TTC27: variants seen among roughly 807,000 people sequenced by gnomAD.
TTC27 encodes the protein tetratricopeptide repeat protein 27.
TTC27 carries 79 observed loss-of-function variants against 115.9 expected under a neutral mutation model. The ratio of observed to expected loss-of-function variants is 0.68; its 90% confidence interval spans 0.57 to 0.82. The LOEUF (loss-of-function observed/expected upper bound fraction) is 0.82, where lower values mean the gene tolerates loss of function less well. TTC27 is among the 40% of genes least tolerant of loss of function. TTC27 has a pLI of 0.00. For missense variants in TTC27, 1,054 were observed against 993.1 expected (o/e 1.06, Z -0.82); for synonymous variants, 401 against 356.0 (o/e 1.13, Z -1.42).
chr2:32,685,483 A>C (rs567452604), intron 9 of TTC27, among the ~76,000 whole-genome samples: 1 of 152,184 alleles, frequency 6.6e-6, no homozygotes, highest in Non-Finnish European at 1.5e-5. Context: ...CATTGTCAAC[A>C]ACTATAAAAT....
At chr2:32,717,426 A>T (rs1667791382) in intron 10 of TTC27, among the ~76,000 whole-genome samples, 1 of 152,210 alleles carries the variant, frequency 6.6e-6, no homozygotes. Flanking sequence ...TTGCCACTTG[A>T]AGGAAGCTGT....
chr2:32,708,304 G>GTTTTTTTTTTTTGTTTTTTTTTTTTTTTT (rs1667450838), intron 10 of TTC27, among the ~76,000 whole-genome samples: 1 of 61,354 alleles, frequency 1.6e-5, no homozygotes, highest in African/African-American at 6.5e-5. Flanking sequence ...TCTCTACCTT[G>GTTTTTTTTTTTTGTTTTTTTTTTTTTTTT]TTTTTTTTTT....
chr2:32,805,641 T>C (rs1671103641), intron 16 of TTC27, among the ~76,000 whole-genome samples: 1 of 152,186 alleles, frequency 6.6e-6, no homozygotes. Context: ...TTTTGAACCA[T>C]GAGGAAACAT....
chr2:32,670,530 T>C (rs1665973355), intron 7 of TTC27, among the ~76,000 whole-genome samples: 1 of 152,196 alleles, frequency 6.6e-6, no homozygotes, highest in African/African-American at 2.4e-5. Context: ...TTGGTGGACA[T>C]TTAAGTTATT....
rs184269882 is a variant in TTC27, at chr2:32,682,729, C to T, written c.1119+3807C>T. Reference sequence around the variant, plus strand: ...TGTCGCCCAGGCTGGAATGCAATGGCGCGATCTCAACTCATTGCAGCCTCC... The same window carrying T: ...TGTCGCCCAGGCTGGAATGCAATGGTGCGATCTCAACTCATTGCAGCCTCC... On this transcript the variant is annotated intron_variant, in intron 9 of 19. Coordinates refer to ENST00000317907, the MANE Select transcript of TTC27 (RefSeq NM_017735.5). Among the ~76,000 whole-genome samples the T allele has an allele frequency of 4.4e-3, 640 of 144,882 alleles. 4 individuals carry two copies. The highest frequency in any genetic ancestry group is 0.015 in the African/African-American group (594 of 39,292).
Position 32,662,394 on chromosome 2 carries a change from G to A in TTC27, c.641-1909G>A, listed in dbSNP as rs1301164007. 5.3e-5 allele frequency among the ~76,000 whole-genome samples: 8 copies of A among 152,220 alleles called. No individual in the cohort carries two copies. The East Asian group carries it at 1.2e-3, about 22-fold the overall frequency. On this transcript the variant is annotated intron_variant, in intron 5 of 19. Transcript: ENST00000317907. The stretch of plus-strand genomic sequence containing the variant: ...TAGAATTCGGCTGTGAATCTGTCTG[G>A]TCCTGGGCTTTTTTTGGTTGGTAGG...
intron 16 of TTC27, among the ~76,000 whole-genome samples, chr2:32,800,869 A>G (rs1273172499): frequency 3.3e-5 from 5 of 152,198 alleles, no homozygotes; most frequent in Non-Finnish European, 5.9e-5. Context: ...CCATAGAAAC[A>G]CTAAAAGAAA....
At chr2:32,659,196 C>A (rs537550900) in intron 5 of TTC27, among the ~76,000 whole-genome samples, 6 of 152,130 alleles carry the variant, frequency 3.9e-5, no homozygotes, top group African/African-American at 1.4e-4. Context: ...GAACTCCTGG[C>A]TTCAAGCAAT....
chr2:32,696,028 C>T (rs1666974524), intron 9 of TTC27, among the ~76,000 whole-genome samples: 2 of 149,888 alleles, frequency 1.3e-5, no homozygotes, highest in Non-Finnish European at 3.0e-5. Context: ...GAGACTGAGG[C>T]AGGAGCATTG....
chr2:32,683,957 C>T (rs1265854849), intron 9 of TTC27, among the ~76,000 whole-genome samples: 1 of 151,932 alleles, frequency 6.6e-6, no homozygotes, highest in African/African-American at 2.4e-5. Context: ...AGTTTGTGAC[C>T]CGCCTGGCCA....
In TTC27 at chr2:32,717,751, T is replaced by C. The variant is rs146129391; in HGVS notation, c.1233+14831T>C. Among the ~76,000 whole-genome samples the C allele has an allele frequency of 5.3e-3, 814 of 152,350 alleles. 12 individuals are homozygous for C. The highest frequency in any genetic ancestry group is 0.029 in the Admixed American group (451 of 15,302). On this transcript the variant is annotated intron_variant, in intron 10 of 19. Coordinates refer to ENST00000317907, the MANE Select transcript of TTC27 (RefSeq NM_017735.5). ...TCTGTCATCCAAGTTTGCTAATAAGTATGGCAGTCTGATTTTTGTCTTGTT... is the reference window on the plus strand; with the variant it reads ...TCTGTCATCCAAGTTTGCTAATAAGCATGGCAGTCTGATTTTTGTCTTGTT...
intron 16 of TTC27, among the ~76,000 whole-genome samples, chr2:32,805,192 C>T (rs1671087081): frequency 1.3e-5 from 2 of 152,174 alleles, no homozygotes; most frequent in African/African-American, 4.8e-5. Context: ...CTCTGTGCTC[C>T]AGTTTGTTCA....
intron 5 of TTC27, among the ~76,000 whole-genome samples, chr2:32,653,604 A>C (rs922384565): frequency 7.3e-5 from 11 of 151,262 alleles, no homozygotes; most frequent in Non-Finnish European, 7.4e-5. Flanking sequence ...AAAAAAAAAA[A>C]AACAAAAAAA....
intron 17 of TTC27, among the ~76,000 whole-genome samples, chr2:32,811,990 C>T (rs1671331447): frequency 6.6e-6 from 1 of 152,152 alleles, no homozygotes; most frequent in South Asian, 2.1e-4. Flanking sequence ...TGCACACATG[C>T]ACACCCTACT....
At chr2:32,731,867 TG>T (rs1306271548) in intron 10 of TTC27, among the ~76,000 whole-genome samples, 1 of 152,148 alleles carries the variant, frequency 6.6e-6, no homozygotes, top group African/African-American at 2.4e-5. Context: ...ACATAATAAA[TG>T]TGTTTATTAG....
intron 10 of TTC27, among the ~76,000 whole-genome samples, chr2:32,727,783 A>G (rs1220755282): frequency 2.0e-5 from 3 of 152,172 alleles, no homozygotes; most frequent in East Asian, 3.9e-4. Flanking sequence ...TTTATAAAGC[A>G]TGCTATTTTT....
rs866887593 is a variant in TTC27, at chr2:32,754,998, A to G, written c.1453-3294A>G. 4.3e-3 allele frequency among the ~76,000 whole-genome samples: 645 copies of G among 149,256 alleles called. 8 individuals carry two copies. The highest frequency in any genetic ancestry group is 0.015 in the African/African-American group (620 of 40,308). On this transcript the variant is annotated intron_variant, in intron 12 of 19. Coordinates refer to ENST00000317907, the MANE Select transcript of TTC27 (RefSeq NM_017735.5). ...TTCTCAGACGGGGCGGCTGCCGGGCAGAGGGGCTCCTCACTTCTCAGATGG... is the reference window on the plus strand; with the variant it reads ...TTCTCAGACGGGGCGGCTGCCGGGCGGAGGGGCTCCTCACTTCTCAGATGG...
chr2:32,767,456 T>TTTG (rs1553317309), intron 13 of TTC27, among the ~76,000 whole-genome samples: 13 of 139,800 alleles, frequency 9.3e-5, no homozygotes, highest in African/African-American at 2.7e-4. Context: ...TTTTTTTGTT[T>TTTG]TTTTTTTTTT....
chr2:32,759,897 C>T (rs1669376745), intron 13 of TTC27, among the ~76,000 whole-genome samples: 1 of 152,122 alleles, frequency 6.6e-6, no homozygotes, highest in Admixed American at 6.5e-5. Flanking sequence ...CTGAAGGTTC[C>T]TTCATGTTGT....
Sources: allele counts gnomAD v4.1 joint callset (sites outside exome capture counted in the v4.1 genomes callset), GRCh38; gene constraint gnomAD v4.1.1; transcripts MANE v1.5; gene names NCBI Gene and HGNC (gene_info 2026-07-23, HGNC 2026-07-21).